The following SLC9A1 variants were observed in gnomAD, a reference collection of about 807,000 sequenced individuals.
SLC9A1 encodes the protein solute carrier family 9 member A1, also known as sodium/hydrogen exchanger 1.
Under a neutral mutation model 67.9 loss-of-function variants are expected in SLC9A1, and 22 were observed. The observed-to-expected ratio is 0.32, with a 90% CI of 0.23 to 0.46. The LOEUF is 0.46. Among genes scored for constraint, SLC9A1 ranks in the 20% least tolerant of loss-of-function variants. SLC9A1 has a pLI of 1.00. For missense variants in SLC9A1, 686 were observed against 1,094.8 expected, an observed-to-expected ratio of 0.63 and a Z score of 5.27; for synonymous variants, 421 against 471.8, an observed-to-expected ratio of 0.89 and a Z score of 1.40.
intron 1 of SLC9A1, among the ~76,000 whole-genome samples, chr1:27,152,769 C>T (rs1377901033): frequency 6.6e-6 from 1 of 152,174 alleles, no homozygotes; most frequent in Non-Finnish European, 1.5e-5. Context: ...AGAGGCACCA[C>T]TTCCCTCCCG....
chr1:27,131,947 A>AAAAATATATATATAT, intron 1 of SLC9A1, among the ~76,000 whole-genome samples: 2 of 52,122 alleles, frequency 3.8e-5, no homozygotes, highest in African/African-American at 1.3e-4. Context: ...AGAAAAAAAA[A>AAAAATATATATATAT]ATATATATAT....
intron 1 of SLC9A1, among the ~76,000 whole-genome samples, chr1:27,147,293 C>G (rs1223987055): frequency 2.3e-5 from 1 of 44,220 alleles, no homozygotes; most frequent in Admixed American, 2.7e-4. Flanking sequence ...GAGCGAGACT[C>G]TGTCTCAAAA....
In SLC9A1 at chr1:27,106,071, G is replaced by A; in HGVS notation, c.1299C>T (p.Thr433=). 6.2e-7 allele frequency: 1 copy of A among 1,612,866 alleles called. No homozygotes were observed. The highest frequency in any genetic ancestry group is 8.5e-7 in the Non-Finnish European group (1 of 1,179,704). ...CGATACGGAACTTGTTGATGAACCA[G>A]GTCAGGCCCAGCACCCCTGCAGGGG... ...IARVLGVLGL[T]WFINKFRIVK... is the part of the protein sequence containing the mutation. The change falls in exon 5 of 12, where the codon ACC becomes ACT. Residue 433 remains threonine, a synonymous_variant. Transcript: ENST00000263980. This position sits in a 1 kb window ranked among gnomAD's most constrained non-coding sequence, Gnocchi z 4.3.
Position 27,109,895 on chromosome 1 carries a change from C to T in SLC9A1, c.814-118G>A. On this transcript the variant is annotated intron_variant, in intron 2 of 11. Transcript: ENST00000263980. This position sits in a 1 kb window ranked among gnomAD's most constrained non-coding sequence, Gnocchi z 5.5. ...TAACCATGGCCACAAGAAGAGGCCA[C>T]ACGGTAGCAGAGAAACCCTAGTGCC... 14 of 1,195,756 alleles carry T rather than the reference C, an allele frequency of 1.2e-5. 1 individual carries two copies. Among genetic ancestry groups the T allele is most frequent in the Non-Finnish European group, 1.7e-5 (14 of 839,862 alleles). 74.1% of individuals were successfully genotyped at this position (1,195,756 alleles called of 1,614,324 possible).
chr1:27,120,369 A>C (rs1046842019), intron 1 of SLC9A1, among the ~76,000 whole-genome samples: 4 of 151,212 alleles, frequency 2.6e-5, no homozygotes, highest in African/African-American at 9.7e-5. Context: ...CAGGTGATCC[A>C]CCCACCTTAG....
chr1:27,103,489 C>A (rs945505155), intron 5 of SLC9A1, 177 bp from the exon 6 acceptor site: 1 of 609,012 alleles, frequency 1.6e-6, no homozygotes, highest in Non-Finnish European at 3.0e-6. Context: ...AAAGACAGGT[C>A]CTTAAGGCCT....
intron 1 of SLC9A1, among the ~76,000 whole-genome samples, chr1:27,127,488 T>A (rs1272250164): frequency 6.6e-6 from 1 of 151,988 alleles, no homozygotes; most frequent in Non-Finnish European, 1.5e-5. Context: ...CGGAGGCAGG[T>A]CCCAAACCCA....
intron 1 of SLC9A1, among the ~76,000 whole-genome samples, chr1:27,125,237 C>CTTTTTTTTTTTTTTTTTTTTTTTTTTTT: frequency 1.2e-5 from 1 of 86,870 alleles, no homozygotes; most frequent in Non-Finnish European, 2.0e-5. Flanking sequence ...CCTTTTCTTT[C>CTTTTTTTTTTTTTTTTTTTTTTTTTTTT]TTTTTTTTTT....
chr1:27,142,260 A>C (rs754471235), intron 1 of SLC9A1, among the ~76,000 whole-genome samples: 4 of 152,206 alleles, frequency 2.6e-5, no homozygotes, highest in African/African-American at 9.7e-5. Flanking sequence ...AGGGAAGAAG[A>C]CTGACTCTGC....
At chr1:27,111,123 C>T (rs1050470491) in intron 2 of SLC9A1, among the ~76,000 whole-genome samples, 4 of 152,166 alleles carry the variant, frequency 2.6e-5, no homozygotes, top group African/African-American at 4.8e-5. Flanking sequence ...AGGCCTGGTG[C>T]GGCCTGGCCC....
intron 1 of SLC9A1, among the ~76,000 whole-genome samples, chr1:27,130,293 A>AGGGTTTC (rs1199555894): frequency 3.3e-5 from 5 of 152,134 alleles, no homozygotes; most frequent in African/African-American, 1.2e-4. Flanking sequence ...TAGTAGAGAC[A>AGGGTTTC]GGGTTTCACT....
Position 27,107,732 on chromosome 1 carries a change from C to T in SLC9A1, c.1198G>A (p.Val400Ile), listed in dbSNP as rs1364813844. ...SETLIFIFLG[V>I]STVAGSHHWN... ...TGGTGGGAGCCGGCCACCGTGGAGA[C>T]GCCGAGGAAGATGAAGATGAGGGTC... The change falls in exon 4 of 12, where the codon GTC becomes ATC. Residue 400 changes from valine to isoleucine, a missense_variant. By Grantham distance (29) the Val-to-Ile change is conservative. This residue lies in a region of SLC9A1 where 168 missense variants were observed against 375.4 expected (regional missense o/e 0.45). Transcript: ENST00000263980. 3 of 1,584,032 alleles carry T rather than the reference C, an allele frequency of 1.9e-6. No homozygotes were observed. The highest frequency in any genetic ancestry group is 2.6e-6 in the Non-Finnish European group (3 of 1,165,950).
chr1:27,131,528 T>C (rs534690790), intron 1 of SLC9A1, among the ~76,000 whole-genome samples: 3 of 145,172 alleles, frequency 2.1e-5, no homozygotes, highest in South Asian at 2.3e-4. Context: ...GGTGGGTGGA[T>C]CACAAGGTCA....
intron 1 of SLC9A1, among the ~76,000 whole-genome samples, chr1:27,129,144 A>G (rs958260465): frequency 6.6e-6 from 1 of 152,192 alleles, no homozygotes; most frequent in African/African-American, 2.4e-5. Context: ...GCACAGCATT[A>G]AGGCTCCATG....
At position 27,137,970 on chromosome 1, in the gene SLC9A1, T is replaced by C. The variant is rs2083430155; in HGVS notation, c.352+16013A>G. Among the ~76,000 whole-genome samples the C allele has an allele frequency of 6.6e-6, 1 of 152,244 alleles. No individual in the cohort carries two copies. The highest frequency in any genetic ancestry group is 2.1e-4 in the South Asian group (1 of 4,838). On this transcript the variant is annotated intron_variant, in intron 1 of 11. Coordinates refer to ENST00000263980, the MANE Select transcript of SLC9A1 (RefSeq NM_003047.5). This position sits in a 1 kb window ranked among gnomAD's most constrained non-coding sequence, Gnocchi z 4.6. ...GCCAGTGGTGCCTGTCGGGAAGCTT[T>C]ACTCTGTTGCCCTCATAGACCCAGC...
chr1:27,138,524 T>A (rs1277345796), intron 1 of SLC9A1, among the ~76,000 whole-genome samples: 1 of 151,890 alleles, frequency 6.6e-6, no homozygotes, highest in African/African-American at 2.4e-5. Flanking sequence ...GACATGGGGG[T>A]AGAGGCAGCT....
chr1:27,120,085 T>G (rs2124165955), intron 1 of SLC9A1, among the ~76,000 whole-genome samples: 1 of 152,090 alleles, frequency 6.6e-6, no homozygotes, highest in Non-Finnish European at 1.5e-5. Context: ...AAAAAAAGTA[T>G]TATTCATTGA....
chr1:27,102,553 T>C lies in SLC9A1; in HGVS notation c.1652A>G (p.Asn551Ser), dbSNP rs1370493958. 22 of 1,608,012 alleles carry C rather than the reference T, an allele frequency of 1.4e-5. No individual in the cohort carries two copies. The highest frequency in any genetic ancestry group is 1.9e-5 in the Non-Finnish European group (22 of 1,175,584). Reference sequence around the variant, plus strand: ...CTTCACATATTTCTTATTAAACCGGTTGAGCCTGGTGGGAGGAGGAGGGAG... The same window carrying C: ...CTTCACATATTTCTTATTAAACCGGCTGAGCCTGGTGGGAGGAGGAGGGAG... ...YGHHHWKDKL[N>S]RFNKKYVKKC... The change falls in exon 8 of 12, where the codon AAC becomes AGC. Residue 551 changes from asparagine to serine, a missense_variant. Physicochemically the swap from Asn to Ser is conservative, Grantham distance 46. This residue lies in a region of SLC9A1 where 168 missense variants were observed against 375.4 expected (regional missense o/e 0.45). Coordinates refer to ENST00000263980, the MANE Select transcript of SLC9A1 (RefSeq NM_003047.5).
In SLC9A1 at chr1:27,106,910, C is replaced by T. The variant is rs2083188713; in HGVS notation, c.1282+738G>A. Among the ~76,000 whole-genome samples, 1 of 151,904 alleles carries T rather than the reference C, an allele frequency of 6.6e-6. No individual in the cohort carries two copies. Among genetic ancestry groups the T allele is most frequent in the African/African-American group, 2.4e-5 (1 of 41,298 alleles). ...CAGCCACAGGCTCAGAGTCTCAGGG[C>T]CCCCTCACTTTGACACAGCCTGACT... On this transcript the variant is annotated intron_variant, in intron 4 of 11. Coordinates refer to ENST00000263980, the MANE Select transcript of SLC9A1 (RefSeq NM_003047.5). This position sits in a 1 kb window ranked among gnomAD's most constrained non-coding sequence, Gnocchi z 4.3.
Sources: gnomAD v4.1 joint callset for allele counts (sites outside exome capture counted in the v4.1 genomes callset) on GRCh38, gnomAD v4.1.1 for gene constraint, gnomAD v4.1.1 regional missense constraint, Gnocchi (gnomAD v3.1) non-coding constraint, MANE v1.5 for transcripts, NCBI Gene and HGNC (gene_info 2026-07-23, HGNC 2026-07-21) for gene names.